NINJ2: variants seen among roughly 807,000 people sequenced by gnomAD.
NINJ2 encodes the protein ninjurin 2, also known as ninjurin-2.
NINJ2 carries 12 observed loss-of-function variants against 11.7 expected under a neutral mutation model. The observed-to-expected ratio is 1.02, with a 90% CI of 0.66 to 1.66. The LOEUF (loss-of-function observed/expected upper bound fraction) is 1.66. Among genes scored for constraint, NINJ2 ranks in the 40% most tolerant of loss-of-function variants. NINJ2 has a pLI of 0.00. For synonymous variants in NINJ2, 93 were observed against 76.8 expected, an observed-to-expected ratio of 1.21 and a Z score of -1.10; for missense variants, 187 against 181.8, an observed-to-expected ratio of 1.03 and a Z score of -0.16.
rs34530139 is a variant in NINJ2, at chr12:585,250, TG to T, written c.34-19073del. On this transcript the variant is annotated intron_variant, in intron 1 of 3. Transcript: ENST00000305108. This position sits in a 1 kb window ranked among gnomAD's most constrained non-coding sequence, Gnocchi z 4.1. ...TCTCTCCCCGCCATTCACTGGGCTC[TG>T]GGGGCTCTGGGCTTCCCTGCTGCAA... Among the ~76,000 whole-genome samples the T allele has an allele frequency of 0.28, 42,587 of 152,192 alleles. 6,308 individuals are homozygous for T. Among genetic ancestry groups the T allele is most frequent in the Admixed American group, 0.37 (5,708 of 15,284 alleles).
intron 1 of NINJ2, among the ~76,000 whole-genome samples, chr12:600,650 T>G (rs1033920556): frequency 3.1e-5 from 4 of 128,122 alleles, no homozygotes; most frequent in African/African-American, 1.2e-4. Flanking sequence ...AGAATTTTTT[T>G]GGGGTGTGTG....
intron 1 of NINJ2, among the ~76,000 whole-genome samples, chr12:652,081 T>C (rs1331949851): frequency 1.3e-5 from 2 of 151,872 alleles, no homozygotes; most frequent in Non-Finnish European, 2.9e-5. Flanking sequence ...TGCCAAATTA[T>C]AGATACAGGA....
chr12:616,728 TCTC>T (rs946194200), intron 1 of NINJ2, among the ~76,000 whole-genome samples: 3 of 152,206 alleles, frequency 2.0e-5, no homozygotes, highest in African/African-American at 7.2e-5. Flanking sequence ...CTGCTAGTGT[TCTC>T]CTCTCTTGTA....
At chr12:634,495 G>A (rs967102724) in intron 1 of NINJ2, among the ~76,000 whole-genome samples, 2 of 151,914 alleles carry the variant, frequency 1.3e-5, no homozygotes, top group South Asian at 2.1e-4. Context: ...TTCTGACCTC[G>A]TGATCCGCCT....
intron 1 of NINJ2, among the ~76,000 whole-genome samples, chr12:592,467 G>A (rs1263892916): frequency 2.0e-5 from 3 of 152,338 alleles, no homozygotes; most frequent in Middle Eastern, 3.4e-3. Context: ...TTGGGAAGTC[G>A]AGGCTGGCGG....
chr12:604,248 G>A lies in NINJ2; in HGVS notation c.34-38070C>T, dbSNP rs527404852. Among the ~76,000 whole-genome samples, 8 of 152,272 alleles carry A rather than the reference G, an allele frequency of 5.3e-5. No homozygotes were observed. In the South Asian group the frequency reaches 1.7e-3, roughly 32 times the overall value. ...TATCGCTATCTTAACAACAGTAAAG[G>A]GATTTTTTAAAGTATAAGCTGCGAG... On this transcript the variant is annotated intron_variant, in intron 1 of 3. Transcript: ENST00000305108.
chr12:618,266 T>C (rs1206082416), intron 1 of NINJ2, among the ~76,000 whole-genome samples: 2 of 18,868 alleles, frequency 1.1e-4, no homozygotes, highest in Non-Finnish European at 1.0e-4. Context: ...GAGTTGGTAA[T>C]GAGGTGGGGG....
chr12:624,416 C>T (rs1484833928), intron 1 of NINJ2, among the ~76,000 whole-genome samples: 3 of 152,116 alleles, frequency 2.0e-5, no homozygotes, highest in South Asian at 2.1e-4. Flanking sequence ...TACTGGAATA[C>T]GGGAAAATGT....
In NINJ2 at chr12:578,202, C is replaced by T. The variant is rs1273032107; in HGVS notation, c.34-12024G>A. Among the ~76,000 whole-genome samples the T allele has an allele frequency of 5.9e-5, 9 of 152,310 alleles. No homozygotes were observed. In the East Asian group the frequency reaches 1.5e-3, roughly 26 times the overall value. ...ATCATGACCCTCTCACGCGGACCCC[C>T]TTAAAAGTTGTGAGCCCTTAAAAGG... On this transcript the variant is annotated intron_variant, in intron 1 of 3. Coordinates refer to ENST00000305108, the MANE Select transcript of NINJ2 (RefSeq NM_016533.6).
At chr12:579,225 A>G (rs893238179) in intron 1 of NINJ2, among the ~76,000 whole-genome samples, 10 of 152,236 alleles carry the variant, frequency 6.6e-5, no homozygotes, top group African/African-American at 2.4e-4. Flanking sequence ...GACCTCATGA[A>G]GTAGATCAGA....
rs1335694005 is a variant in NINJ2 at position 581,768 on chromosome 12, C to A, written c.34-15590G>T. Among the ~76,000 whole-genome samples the A allele has an allele frequency of 2.0e-5, 3 of 152,180 alleles. No homozygotes were observed. The highest frequency in any genetic ancestry group is 7.2e-5 in the African/African-American group (3 of 41,440). ...CACTCGTCTGTAGAAAGAGGAGACA[C>A]CCCTTCCTCCTCGTGGTGAGAAGCT... On this transcript the variant is annotated intron_variant, in intron 1 of 3. Coordinates refer to ENST00000305108, the MANE Select transcript of NINJ2 (RefSeq NM_016533.6). This position sits in a 1 kb window ranked among gnomAD's most constrained non-coding sequence, Gnocchi z 4.9.
rs1215832505 is a variant in NINJ2, at chr12:634,262, GTTC to G, written c.33+29063_33+29065del. On this transcript the variant is annotated intron_variant, in intron 1 of 3. Transcript: ENST00000305108. ...ACTAAATAAATGTTGATTAGTTGCA[GTTC>G]TTTTTTTTTTTTTTTTTTTTTTTTT... 2.6e-3 allele frequency among the ~76,000 whole-genome samples: 200 copies of G among 75,626 alleles called. 1 individual carries two copies. Among genetic ancestry groups the G allele is most frequent in the Middle Eastern group, 8.6e-3 (1 of 116 alleles). The allele number at this position is 75,626 out of a possible 152,430, so 49.6% of individuals were successfully genotyped here.
chr12:630,015 C>G (rs1948259771), intron 1 of NINJ2, among the ~76,000 whole-genome samples: 1 of 148,078 alleles, frequency 6.8e-6, no homozygotes. Flanking sequence ...CAATGTGGCC[C>G]AGGGAAACAA....
intron 1 of NINJ2, among the ~76,000 whole-genome samples, chr12:575,572 C>G (rs1947444610): frequency 6.6e-6 from 1 of 152,204 alleles, no homozygotes; most frequent in Non-Finnish European, 1.5e-5. Flanking sequence ...CTGGCCTGTG[C>G]TGGCCTTGGG....
intron 1 of NINJ2, among the ~76,000 whole-genome samples, chr12:592,254 G>T (rs1213963725): frequency 6.6e-6 from 1 of 152,106 alleles, no homozygotes; most frequent in Admixed American, 6.5e-5. Context: ...ACATAAAACA[G>T]TTAGGTGTCT....
chr12:601,011 T>C (rs1217771336), intron 1 of NINJ2, among the ~76,000 whole-genome samples: 1 of 152,166 alleles, frequency 6.6e-6, no homozygotes, highest in African/African-American at 2.4e-5. Context: ...GGTAGGGAGA[T>C]CTCTGTCCTT....
At chr12:574,070 A>G (rs1947417043) in intron 1 of NINJ2, among the ~76,000 whole-genome samples, 1 of 152,138 alleles carries the variant, frequency 6.6e-6, no homozygotes, top group South Asian at 2.1e-4. Context: ...AAAAATACAA[A>G]ATTAGCAGGG....
chr12:574,374 G>C (rs1276278143), intron 1 of NINJ2, among the ~76,000 whole-genome samples: 1 of 152,148 alleles, frequency 6.6e-6, no homozygotes, highest in Non-Finnish European at 1.5e-5. Flanking sequence ...AAGCAAATAT[G>C]CACTCTGCTA....
In NINJ2 at chr12:581,587, T is replaced by C. The variant is rs1947556581; in HGVS notation, c.34-15409A>G. 6.6e-6 allele frequency among the ~76,000 whole-genome samples: 1 copy of C among 152,082 alleles called. No homozygotes were observed. ...TCGAAATGGGGCCAGTCACACATTC[T>C]CCCAGCCCTGACACCTGAACCTGAG... is the stretch of plus-strand genomic sequence containing the variant. On this transcript the variant is annotated intron_variant, in intron 1 of 3. Coordinates refer to ENST00000305108, the MANE Select transcript of NINJ2 (RefSeq NM_016533.6). This position sits in a 1 kb window ranked among gnomAD's most constrained non-coding sequence, Gnocchi z 4.9.
Sources: gnomAD v4.1 joint callset for allele counts (sites outside exome capture counted in the v4.1 genomes callset) on GRCh38, gnomAD v4.1.1 for gene constraint, Gnocchi (gnomAD v3.1) non-coding constraint, MANE v1.5 for transcripts, NCBI Gene and HGNC (gene_info 2026-07-23, HGNC 2026-07-21) for gene names.